The following ADSL variants were observed in gnomAD, a reference collection of about 807,000 sequenced individuals.
The protein encoded by ADSL is adenylosuccinase.
In ADSL, 44 loss-of-function variants were observed where a neutral mutation model predicts 62.1. The observed-to-expected ratio is 0.71, with a 90% CI of 0.56 to 0.91. The LOEUF is 0.91. ADSL is among the 40% of genes least tolerant of loss of function. The pLI is 0.00. For missense variants in ADSL, 531 were observed against 627.4 expected (o/e 0.85, Z 1.64); for synonymous variants, 198 against 220.5 (o/e 0.90, Z 0.90).
intron 6 of ADSL, 81 bp from the exon 7 acceptor site, chr22:40,360,320 TA>T: frequency 8.3e-7 from 1 of 1,201,778 alleles, no homozygotes; most frequent in Non-Finnish European, 1.2e-6. Flanking sequence ...GTTAGCCTCC[TA>T]AGTAGCTGGG....
chr22:40,371,655 A>G (rs901497874), downstream of ADSL, among the ~76,000 whole-genome samples: 1 of 149,906 alleles, frequency 6.7e-6, no homozygotes, highest in Admixed American at 6.6e-5. Flanking sequence ...TTTTTACACT[A>G]TTTCTGTTCT....
chr22:40,364,797 G>A, intron 11 of ADSL, 83 bp from the exon 12 acceptor site: 1 of 1,430,830 alleles, frequency 7.0e-7, no homozygotes, highest in East Asian at 2.3e-5. Flanking sequence ...TAGACTGCAT[G>A]GATGGGAAGT....
chr22:40,346,817 G>A (rs2044160677), intron 1 of ADSL, 106 bp downstream of exon 1: 2 of 1,248,368 alleles, frequency 1.6e-6, no homozygotes, highest in Non-Finnish European at 2.2e-6. Context: ...GCTGCGGCCC[G>A]GCTATTTTCA....
chr22:40,377,223 G>C (rs1396912338), intron 2 of ADSL, among the ~76,000 whole-genome samples: 1 of 152,184 alleles, frequency 6.6e-6, no homozygotes, highest in African/African-American at 2.4e-5. Context: ...ACATGGCCCA[G>C]GTCAGGCCAA....
chr22:40,372,018 A>G (rs868815929), downstream of ADSL, among the ~76,000 whole-genome samples: 3 of 148,900 alleles, frequency 2.0e-5, no homozygotes, highest in African/African-American at 4.9e-5. Flanking sequence ...TTGTAATTCT[A>G]TAGATATCTT....
intron 2 of ADSL, among the ~76,000 whole-genome samples, chr22:40,381,861 G>C (rs2146807751): frequency 6.6e-6 from 1 of 152,292 alleles, no homozygotes; most frequent in Non-Finnish European, 1.5e-5. Context: ...CAGGAGGCTG[G>C]GGTGGAAGGA....
rs746438478 is a variant in ADSL at position 40,346,537 on chromosome 22, C to G, written c.-22C>G. 6.4e-5 allele frequency: 102 copies of G among 1,596,312 alleles called. No homozygotes were observed. The highest frequency in any genetic ancestry group is 8.2e-5 in the Non-Finnish European group (96 of 1,174,446). On this transcript the variant is annotated 5_prime_UTR_variant, in exon 1 of 13. Transcript: ENST00000623063. ...CCGCTCTTCCCTGGTCCAGTCCACC[C>G]TGGCGGGGTCGCAGGGTTGGGATGG...
At position 40,358,370 on chromosome 22, in the gene ADSL, G is replaced by C. The variant is rs533419724; in HGVS notation, c.483-494G>C. ...AGGCTGAAGTAGGTGGATCGCTTGA[G>C]ACATAGAGTTTGAGACCAGCCTGAG... On this transcript the variant is annotated intron_variant, in intron 4 of 12. Coordinates refer to ENST00000623063, the MANE Select transcript of ADSL (RefSeq NM_000026.4). Among the ~76,000 whole-genome samples the C allele has an allele frequency of 2.6e-5, 4 of 152,230 alleles. No homozygotes were observed. In the South Asian group the frequency reaches 8.3e-4, roughly 32 times the overall value.
chr22:40,359,216 C>T, intron 5 of ADSL, 44 bp from the exon 6 acceptor site: 1 of 1,608,526 alleles, frequency 6.2e-7, no homozygotes. Context: ...CATTCTCACA[C>T]TGGACACATG....
chr22:40,358,420 C>T (rs537636880), intron 4 of ADSL, among the ~76,000 whole-genome samples: 4 of 152,118 alleles, frequency 2.6e-5, no homozygotes, highest in South Asian at 4.2e-4. Context: ...CCCGTCACTA[C>T]AAAAAATTTA....
At chr22:40,384,782 A>G (rs1193479174) in intron 2 of ADSL, among the ~76,000 whole-genome samples, 1 of 152,106 alleles carries the variant, frequency 6.6e-6, no homozygotes, top group Non-Finnish European at 1.5e-5. Flanking sequence ...CTCCACCTCA[A>G]AAAAAAAGAA....
At chr22:40,359,403 CT>C in intron 6 of ADSL, 97 bp downstream of exon 6, 1 of 1,175,382 alleles carries the variant, frequency 8.5e-7, no homozygotes, top group Non-Finnish European at 1.2e-6. Context: ...TTGCCTTTTT[CT>C]TCCTTTGTTC....
chr22:40,346,723 C>T lies in ADSL; in HGVS notation c.153+12C>T, dbSNP rs780869214. 4 of 1,597,238 alleles carry T rather than the reference C, an allele frequency of 2.5e-6. No individual in the cohort carries two copies. The South Asian group carries it at 4.5e-5, about 18-fold the overall frequency. ...CGGAGGCCGAGCAGGTAACGGATCC[C>T]GGGCTGAGGGGCTGGGCCGGGAGGG... On this transcript the variant is annotated intron_variant, in intron 1 of 12. Transcript: ENST00000623063.
At chr22:40,346,740 C>T in intron 1 of ADSL, 29 bp downstream of exon 1, 1 of 1,577,358 alleles carries the variant, frequency 6.3e-7, no homozygotes, top group Non-Finnish European at 8.6e-7. Context: ...AGGGGCTGGG[C>T]CGGGAGGGAC....
chr22:40,376,621 C>A (rs929287371), intron 2 of ADSL: 1 of 152,150 alleles, frequency 6.6e-6, no homozygotes, highest in African/African-American at 2.4e-5. Context: ...TGTATTAACT[C>A]ACAATCCTCA....
rs1257907226 is a variant in ADSL at position 40,346,629 on chromosome 22, C to T, written c.71C>T (p.Pro24Leu). The T allele has an allele frequency of 1.2e-6, 2 of 1,611,406 alleles. No individual in the cohort carries two copies. Among genetic ancestry groups the T allele is most frequent in the East Asian group, 4.5e-5 (2 of 44,774 alleles). The change falls in exon 1 of 13, where the codon CCG (proline) becomes CTG (leucine). Residue 24 changes from proline (P) to leucine (L), a missense_variant. Coordinates refer to ENST00000623063, the MANE Select transcript of ADSL (RefSeq NM_000026.4). ...CCTCTTGCCTCCCGCTATGCCAGCCCGGAGATGTGCTTCGTGTTTAGCGAC... is the reference window on the plus strand; with the variant it reads ...CCTCTTGCCTCCCGCTATGCCAGCCTGGAGATGTGCTTCGTGTTTAGCGAC... ...RSPLASRYAS[P>L]EMCFVFSDRY...
At chr22:40,373,713 T>G (rs1271433539), downstream of ADSL, among the ~76,000 whole-genome samples, 1 of 151,942 alleles carries the variant, frequency 6.6e-6, no homozygotes, top group Non-Finnish European at 1.5e-5. Flanking sequence ...CCTCCCGAGT[T>G]CAAGCAGTTC....
intron 1 of ADSL, among the ~76,000 whole-genome samples, chr22:40,347,977 G>A (rs981511544): frequency 5.9e-5 from 9 of 152,136 alleles, no homozygotes; most frequent in Non-Finnish European, 1.2e-4. Context: ...TGCCAGGGTC[G>A]CCAAAGCTAG....
At chr22:40,369,757 A>G (rs975767531), downstream of ADSL, among the ~76,000 whole-genome samples, 9 of 151,948 alleles carry the variant, frequency 5.9e-5, no homozygotes, top group Admixed American at 5.9e-4. Flanking sequence ...ATTCACACGG[A>G]CTCCAGCATC....
Sources: gnomAD v4.1 joint callset for allele counts (sites outside exome capture counted in the v4.1 genomes callset) on GRCh38, gnomAD v4.1.1 for gene constraint, MANE v1.5 for transcripts, NCBI Gene and HGNC (gene_info 2026-07-23, HGNC 2026-07-21) for gene names.